DLG2: variants seen among roughly 807,000 people sequenced by gnomAD.
The protein encoded by DLG2 is discs large MAGUK scaffold protein 2, also known as disks large homolog 2.
Under a neutral mutation model 132.5 loss-of-function variants are expected in DLG2, and 45 were observed. The ratio of observed to expected loss-of-function variants is 0.34; its 90% CI spans 0.27 to 0.44. The LOEUF is 0.44. Among genes scored for constraint, DLG2 ranks in the 20% least tolerant of loss-of-function variants. DLG2 has a pLI of 1.00. For missense variants in DLG2, 1,045 were observed against 1,196.9 expected (o/e 0.87, Z 1.87); for synonymous variants, 424 against 419.6 (o/e 1.01, Z -0.13).
chr11:85,034,606 G>C (rs1010689337), intron 6 of DLG2, among the ~76,000 whole-genome samples: 1 of 152,110 alleles, frequency 6.6e-6, no homozygotes, highest in African/African-American at 2.4e-5. Context: ...ACTGAGAGTA[G>C]TTTTTCAGGA....
chr11:84,129,171 C>A (rs1275658052), intron 9 of DLG2, among the ~76,000 whole-genome samples: 1 of 151,616 alleles, frequency 6.6e-6, no homozygotes, highest in African/African-American at 2.4e-5. Flanking sequence ...TCCTTCAGGC[C>A]CAAAAGAAAA....
intron 4 of DLG2, among the ~76,000 whole-genome samples, chr11:85,203,562 C>CA (rs930178455): frequency 2.6e-5 from 4 of 151,810 alleles, no homozygotes; most frequent in Non-Finnish European, 2.9e-5. Flanking sequence ...AGTCTCCTAT[C>CA]AAAAAAATGC....
rs554521797 is a variant in DLG2 at position 84,915,011 on chromosome 11, G to A, written c.357+196650C>T. ...AGCACCGATCTATGAATTCCCAGAT[G>A]AATATGCTAATCGGCAAATGAACCA... On this transcript the variant is annotated intron_variant, in intron 6 of 27. Transcript: ENST00000376104. 1.2e-4 allele frequency among the ~76,000 whole-genome samples: 18 copies of A among 152,308 alleles called. No homozygotes were observed. The South Asian group carries it at 3.7e-3, about 32-fold the overall frequency.
At chr11:83,943,792 C>T (rs142429265) in intron 14 of DLG2, among the ~76,000 whole-genome samples, 1 of 152,310 alleles carries the variant, frequency 6.6e-6, no homozygotes, top group African/African-American at 2.4e-5. Flanking sequence ...AGGCTATGAA[C>T]ATGGTGGAAA....
intron 6 of DLG2, among the ~76,000 whole-genome samples, chr11:84,977,679 T>G (rs1345550156): frequency 6.6e-6 from 1 of 152,180 alleles, no homozygotes; most frequent in African/African-American, 2.4e-5. Flanking sequence ...AATTGTGTCC[T>G]TAAGTGTTTA....
At chr11:83,772,545 A>G (rs1361340911) in intron 18 of DLG2, among the ~76,000 whole-genome samples, 1 of 149,872 alleles carries the variant, frequency 6.7e-6, no homozygotes, top group African/African-American at 2.5e-5. Flanking sequence ...AGGAAGGAAA[A>G]AAGAAAGAAA....
chr11:84,075,958 C>T (rs2096824883), intron 10 of DLG2, among the ~76,000 whole-genome samples: 1 of 152,170 alleles, frequency 6.6e-6, no homozygotes, highest in African/African-American at 2.4e-5. Flanking sequence ...CACTTGTTCT[C>T]ATTTGTGGAG....
At position 84,039,201 on chromosome 11, in the gene DLG2, AT is replaced by A. The variant is rs1001352168; in HGVS notation, c.919+20113del. 1.1e-4 allele frequency among the ~76,000 whole-genome samples: 16 copies of A among 148,516 alleles called. No homozygotes were observed. In the East Asian group the frequency reaches 1.8e-3, roughly 17 times the overall value. ...TTTAATATATTTATTTCAGCTCCTC[AT>A]TTTTTTTTCTAGTTAATTTTTTTTT... On this transcript the variant is annotated intron_variant, in intron 11 of 27. Transcript: ENST00000376104.
chr11:83,722,301 G>A (rs561107823), intron 18 of DLG2, among the ~76,000 whole-genome samples: 47 of 152,184 alleles, frequency 3.1e-4, no homozygotes, highest in African/African-American at 1.1e-3. Flanking sequence ...TAAGTGCCAA[G>A]CATAAGAAGA....
chr11:83,482,342 A>G (rs2093185837), intron 22 of DLG2, among the ~76,000 whole-genome samples: 4 of 151,978 alleles, frequency 2.6e-5, no homozygotes, highest in Admixed American at 2.6e-4. Context: ...ACAACAAAAC[A>G]AAAAAAATTA....
chr11:84,127,352 C>T lies in DLG2; in HGVS notation c.625-28305G>A, dbSNP rs561306163. ...AAAGGTTTTCCTTTACATTTAGCTC[C>T]GAATTAACCTTTCTAATCCTTCTTC... On this transcript the variant is annotated intron_variant, in intron 9 of 27. Coordinates refer to ENST00000376104, the MANE Select transcript of DLG2 (RefSeq NM_001142699.3). Among the ~76,000 whole-genome samples the T allele has an allele frequency of 3.7e-4, 57 of 152,238 alleles. 1 individual carries two copies. The highest frequency in any genetic ancestry group is 6.3e-4 in the Non-Finnish European group (43 of 68,014).
chr11:83,810,998 A>G (rs2047118963), intron 17 of DLG2, among the ~76,000 whole-genome samples: 1 of 152,068 alleles, frequency 6.6e-6, no homozygotes, highest in Admixed American at 6.6e-5. Context: ...CTGGTATTGT[A>G]TTTTGGAGAA....
intron 4 of DLG2, among the ~76,000 whole-genome samples, chr11:85,201,368 T>C (rs562352409): frequency 6.6e-6 from 1 of 152,176 alleles, no homozygotes; most frequent in South Asian, 2.1e-4. Flanking sequence ...TGAAGACCCA[T>C]GCTGCCTGTG....
At chr11:85,002,579 G>C (rs1370183389) in intron 6 of DLG2, among the ~76,000 whole-genome samples, 1 of 152,056 alleles carries the variant, frequency 6.6e-6, no homozygotes, top group Non-Finnish European at 1.5e-5. Context: ...GGTTTACCTG[G>C]ATGACCAACT....
chr11:84,630,854 C>T (rs2099630337), intron 6 of DLG2, among the ~76,000 whole-genome samples: 1 of 152,106 alleles, frequency 6.6e-6, no homozygotes, highest in South Asian at 2.1e-4. Context: ...ACTCACTGTT[C>T]CTGTTTTTCC....
chr11:84,651,506 A>G (rs1217128637), intron 6 of DLG2, among the ~76,000 whole-genome samples: 1 of 152,180 alleles, frequency 6.6e-6, no homozygotes, highest in African/African-American at 2.4e-5. Flanking sequence ...AAATAAAAAT[A>G]GAAGCTTTCA....
chr11:83,499,610 T>C (rs1457302088), intron 21 of DLG2, among the ~76,000 whole-genome samples: 4 of 150,974 alleles, frequency 2.6e-5, no homozygotes, highest in Non-Finnish European at 5.9e-5. Context: ...CAACACCCTC[T>C]ACACTCTCCG....
At chr11:84,166,500 CAAAAAAAAAA>C (rs398016937) in intron 8 of DLG2, among the ~76,000 whole-genome samples, 6 of 81,028 alleles carry the variant, frequency 7.4e-5, no homozygotes, top group Non-Finnish European at 1.4e-4. Context: ...GACTCTGCTT[CAAAAAAAAAA>C]AAAAAAAAAA....
chr11:84,179,743 G>A (rs185201863), intron 8 of DLG2, among the ~76,000 whole-genome samples: 12 of 152,178 alleles, frequency 7.9e-5, no homozygotes, highest in African/African-American at 2.9e-4. Flanking sequence ...AACCTGTCGG[G>A]GTTTTACCAG....
Sources: allele counts gnomAD v4.1 joint callset (sites outside exome capture counted in the v4.1 genomes callset), GRCh38; gene constraint gnomAD v4.1.1; transcripts MANE v1.5; gene names NCBI Gene and HGNC (gene_info 2026-07-23, HGNC 2026-07-21).